Variants in AKIRIN1 observed in about 807,000 individuals in gnomAD.
The protein encoded by AKIRIN1 is akirin 1.
In AKIRIN1, 4 loss-of-function variants were observed where a neutral mutation model predicts 25.9. The observed-to-expected ratio is 0.15, with a 90% CI of 0.08 to 0.35. The LOEUF is 0.35. Among genes scored for constraint, AKIRIN1 ranks in the 10% least tolerant of loss-of-function variants. AKIRIN1 has a pLI of 1.00. For synonymous variants in AKIRIN1, 125 were observed against 105.1 expected (o/e 1.19, Z -1.16); for missense variants, 243 against 266.1 (o/e 0.91, Z 0.61).
At chr1:38,992,363 G>C (rs892859173) in intron 1 of AKIRIN1, among the ~76,000 whole-genome samples, 1 of 152,158 alleles carries the variant, frequency 6.6e-6, no homozygotes, top group Non-Finnish European at 1.5e-5. Context: ...CATAGCGCAG[G>C]AGTAGAGGGG....
intron 1 of AKIRIN1, among the ~76,000 whole-genome samples, chr1:38,992,687 A>G (rs1299929918): frequency 1.3e-5 from 2 of 151,964 alleles, no homozygotes; most frequent in Non-Finnish European, 2.9e-5. Flanking sequence ...CACCTTTTTA[A>G]TCCTAGAATT....
Position 39,000,953 on chromosome 1 carries a change from C to G in AKIRIN1, c.362-19C>G. 6.2e-7 allele frequency: 1 copy of G among 1,603,316 alleles called. No homozygotes were observed. Among genetic ancestry groups the G allele is most frequent in the Non-Finnish European group, 8.5e-7 (1 of 1,175,368 alleles). The stretch of plus-strand genomic sequence containing the variant: ...TGAACCACCGCACCTGGCCCAAACT[C>G]ACTTTTTCTTTTGGCCAGGTTCCTC... On this transcript the variant is annotated intron_variant, in intron 2 of 4. Coordinates refer to ENST00000432648, the MANE Select transcript of AKIRIN1 (RefSeq NM_024595.3).
rs1164156771 is a variant in AKIRIN1, at chr1:39,005,305, C to T, written c.*1250C>T. 1 of 101,556 alleles carries T rather than the reference C, an allele frequency of 9.8e-6. No homozygotes were observed. The highest frequency in any genetic ancestry group is 1.0e-4 in the Admixed American group (1 of 9,778). The allele number at this position is 101,556 out of a possible 1,614,324, so 6.3% of individuals were successfully genotyped here. Reference sequence around the variant, plus strand: ...CCTGGGCAACAAAACGAGACTTCGTCTCAAAAAAAAAAAAAAAACATAGAA... The same window carrying T: ...CCTGGGCAACAAAACGAGACTTCGTTTCAAAAAAAAAAAAAAAACATAGAA... On this transcript the variant is annotated 3_prime_UTR_variant, in exon 5 of 5. Transcript: ENST00000432648.
At chr1:38,996,263 T>G (rs1157829756) in intron 1 of AKIRIN1, among the ~76,000 whole-genome samples, 1 of 151,674 alleles carries the variant, frequency 6.6e-6, no homozygotes, top group East Asian at 2.0e-4. Context: ...CCCAGCTAAT[T>G]TTTGTATTTT....
At chr1:39,000,302 T>C (rs545214515) in intron 2 of AKIRIN1, among the ~76,000 whole-genome samples, 2 of 152,212 alleles carry the variant, frequency 1.3e-5, no homozygotes, top group South Asian at 4.2e-4. Flanking sequence ...AATTCAAATC[T>C]TCTGTGAGTG....
chr1:39,004,136 A>G lies in AKIRIN1; in HGVS notation c.*81A>G, dbSNP rs765455481. ...CTTTTTGCAACTGGTTTGATGTCAC[A>G]TTTCAGCTCCAACTTTGCATCCTGA... On this transcript the variant is annotated 3_prime_UTR_variant, in exon 5 of 5. Coordinates refer to ENST00000432648, the MANE Select transcript of AKIRIN1 (RefSeq NM_024595.3). 3.5e-5 allele frequency: 51 copies of G among 1,454,262 alleles called. No homozygotes were observed. The East Asian group carries it at 7.5e-4, about 21-fold the overall frequency. 90.1% of individuals were successfully genotyped at this position (1,454,262 alleles called of 1,614,324 possible).
rs1340468931 is a variant in AKIRIN1 at position 39,000,960 on chromosome 1, T to A, written c.362-12T>A. ...CCGCACCTGGCCCAAACTCACTTTT[T>A]CTTTTGGCCAGGTTCCTCATGGATG... On this transcript the variant is annotated splice_polypyrimidine_tract_variant and intron_variant, in intron 2 of 4. Coordinates refer to ENST00000432648, the MANE Select transcript of AKIRIN1 (RefSeq NM_024595.3). 1 of 1,605,224 alleles carries A rather than the reference T, an allele frequency of 6.2e-7. No individual in the cohort carries two copies. Among genetic ancestry groups the A allele is most frequent in the Non-Finnish European group, 8.5e-7 (1 of 1,176,722 alleles).
intron 3 of AKIRIN1, 82 bp from the exon 4 acceptor site, chr1:39,003,265 G>A: frequency 7.5e-7 from 1 of 1,327,600 alleles, no homozygotes; most frequent in Non-Finnish European, 1.1e-6. Context: ...TTCAAACTGG[G>A]AAGCTATTTG....
Position 39,004,496 on chromosome 1 carries a change from A to G in AKIRIN1, c.*441A>G. On this transcript the variant is annotated 3_prime_UTR_variant, in exon 5 of 5. Transcript: ENST00000432648. ...TCTGGCTGTGAATTTGGTGCACGAC[A>G]ATTATGGTAAAAAAACATTTGCTTG... The G allele has an allele frequency of 3.6e-6, 1 of 279,802 alleles. No homozygotes were observed. Among genetic ancestry groups the G allele is most frequent in the South Asian group, 3.5e-5 (1 of 28,714 alleles). 17.3% of individuals were successfully genotyped at this position (279,802 alleles called of 1,614,324 possible).
At position 38,991,544 on chromosome 1, in the gene AKIRIN1, C is replaced by A. The variant is rs755038228; in HGVS notation, c.164C>A (p.Pro55Gln). The change falls in exon 1 of 5, where the codon CCG (proline) becomes CAG (glutamine). Residue 55 changes from proline (P) to glutamine (Q), a missense_variant. By Grantham distance (76) the Pro-to-Gln change is moderately conservative (BLOSUM62 -1). This residue lies in a region of AKIRIN1 where 190 missense variants were observed against 174.4 expected (regional missense o/e 1.09). Coordinates refer to ENST00000432648, the MANE Select transcript of AKIRIN1 (RefSeq NM_024595.3). The part of the protein sequence containing the change: ...PPPPFQTQTP[P>Q]QSLQQPAPPG... ...CCGCCGTTTCAGACGCAGACCCCACCGCAGAGTCTGCAGCAGCCCGCCCCG... is the reference window on the plus strand; with the variant it reads ...CCGCCGTTTCAGACGCAGACCCCACAGCAGAGTCTGCAGCAGCCCGCCCCG... 1.4e-6 allele frequency: 2 copies of A among 1,453,682 alleles called. No homozygotes were observed. The highest frequency in any genetic ancestry group is 3.0e-5 in the East Asian group (1 of 33,602). The allele number at this position is 1,453,682 out of a possible 1,614,324, so 90.0% of individuals were successfully genotyped here.
intron 4 of AKIRIN1, 49 bp downstream of exon 4, chr1:39,003,467 A>G (rs1340479062): frequency 1.3e-6 from 2 of 1,558,604 alleles, no homozygotes; most frequent in African/African-American, 2.7e-5. Context: ...CAAGAGCAAA[A>G]TTTCTACACT....
chr1:38,996,084 C>T (rs1643946149), intron 1 of AKIRIN1, among the ~76,000 whole-genome samples: 1 of 152,080 alleles, frequency 6.6e-6, no homozygotes, highest in Non-Finnish European at 1.5e-5. Flanking sequence ...AAAATACAAA[C>T]TTCATAGCAC....
At chr1:38,993,765 C>A (rs1360159798) in intron 1 of AKIRIN1, among the ~76,000 whole-genome samples, 1 of 151,854 alleles carries the variant, frequency 6.6e-6, no homozygotes, top group African/African-American at 2.4e-5. Context: ...ATAATGAGAC[C>A]TTGTTTCCAC....
intron 1 of AKIRIN1, among the ~76,000 whole-genome samples, chr1:38,994,535 T>G (rs911956718): frequency 6.6e-6 from 1 of 152,084 alleles, no homozygotes; most frequent in Non-Finnish European, 1.5e-5. Flanking sequence ...TGAGACAGAG[T>G]CACTCTGTTG....
chr1:38,994,672 A>AT lies in AKIRIN1; in HGVS notation c.220+3106dup, dbSNP rs10528399. Among the ~76,000 whole-genome samples, 241 of 63,510 alleles carry AT rather than the reference A, an allele frequency of 3.8e-3. 14 individuals are homozygous for AT. The highest frequency in any genetic ancestry group is 0.012 in the South Asian group (11 of 922). 41.7% of individuals were successfully genotyped at this position (63,510 alleles called of 152,430 possible). A position where few individuals can be genotyped will look rare whatever the true frequency, so the allele number is the denominator to read the frequency against. Reference sequence around the variant, plus strand: ...AGGCATGTGTCACTACGCTCGGCTAATTTTTTTTTTTTTTTTTTTTTTTTT... The same window carrying AT: ...AGGCATGTGTCACTACGCTCGGCTAATTTTTTTTTTTTTTTTTTTTTTTTTT... On this transcript the variant is annotated intron_variant, in intron 1 of 4. Transcript: ENST00000432648.
intron 4 of AKIRIN1, 147 bp from the exon 5 acceptor site, chr1:39,003,897 TC>T: frequency 1.5e-6 from 1 of 668,170 alleles, no homozygotes; most frequent in Non-Finnish European, 2.5e-6. Flanking sequence ...TCAGTCAGGT[TC>T]CTTAAATTCT....
At chr1:39,003,560 A>G (rs996944890) in intron 4 of AKIRIN1, 142 bp downstream of exon 4, 2 of 710,800 alleles carry the variant, frequency 2.8e-6, no homozygotes, top group African/African-American at 1.8e-5. Flanking sequence ...TCCACACCAA[A>G]GCTTATATAA....
In AKIRIN1 at chr1:39,004,444, C is replaced by CA. The variant is rs1162243581; in HGVS notation, c.*394dup. On this transcript the variant is annotated 3_prime_UTR_variant, in exon 5 of 5. Transcript: ENST00000432648. The stretch of plus-strand genomic sequence containing the variant: ...ATTTTAAGTTATTATTTGTATTGTG[C>CA]AAAAATTTTTTTTTGATCTTGGGGA... The CA allele has an allele frequency of 3.5e-6, 1 of 286,384 alleles. No homozygotes were observed. Among genetic ancestry groups the CA allele is most frequent in the East Asian group, 9.3e-5 (1 of 10,792 alleles). 17.7% of individuals were successfully genotyped at this position (286,384 alleles called of 1,614,324 possible).
In AKIRIN1 at chr1:38,991,636, G is replaced by A. The variant is rs558280536; in HGVS notation, c.220+36G>A. 1.3e-4 allele frequency: 124 copies of A among 984,904 alleles called. 2 individuals carry two copies. The South Asian group carries it at 4.0e-3, about 32-fold the overall frequency. The allele number at this position is 984,904 out of a possible 1,614,324, so 61.0% of individuals were successfully genotyped here. A position where few individuals can be genotyped will look rare whatever the true frequency, so the allele number is the denominator to read the frequency against. On this transcript the variant is annotated intron_variant, in intron 1 of 4. Coordinates refer to ENST00000432648, the MANE Select transcript of AKIRIN1 (RefSeq NM_024595.3). ...CTGCTCTGGGTTTGGCAGGAAGCCA[G>A]GCCCAGGCATTTTTTGGGGGGGGTG...
Sources: allele counts gnomAD v4.1 joint callset (sites outside exome capture counted in the v4.1 genomes callset), GRCh38; gene constraint gnomAD v4.1.1; regional missense constraint gnomAD v4.1.1; transcripts MANE v1.5; gene names NCBI Gene and HGNC (gene_info 2026-07-23, HGNC 2026-07-21).